VWDE: variants seen among roughly 807,000 people sequenced by gnomAD.
The protein encoded by VWDE is von Willebrand factor D and EGF domain-containing protein.
VWDE carries 207 observed loss-of-function variants against 178.4 expected under a neutral mutation model. The observed-to-expected ratio is 1.16, with a 90% CI of 1.04 to 1.30. The LOEUF (loss-of-function observed/expected upper bound fraction) is 1.30, where lower values mean the gene tolerates loss of function less well. Ranked by LOEUF, VWDE falls within the 50% of genes most tolerant of loss-of-function variation. VWDE has a pLI of 0.00. For synonymous variants in VWDE, 738 were observed against 651.4 expected, an observed-to-expected ratio of 1.13 and a Z score of -2.02; for missense variants, 2,287 against 1,901.3, an observed-to-expected ratio of 1.20 and a Z score of -3.77.
At chr7:12,336,774 T>C (rs111377470) in intron 26 of VWDE, among the ~76,000 whole-genome samples, 2,835 of 152,136 alleles carry the variant, frequency 0.019, 82 homozygotes, top group African/African-American at 0.064. Context: ...AACTGAAAAA[T>C]ACAAGATATC....
rs771908789 is a variant in VWDE at position 12,375,140 on chromosome 7, C to G, written c.1112G>C (p.Ser371Thr). The G allele has an allele frequency of 2.6e-6, 4 of 1,551,218 alleles. No individual in the cohort carries two copies. Among genetic ancestry groups the G allele is most frequent in the Non-Finnish European group, 3.5e-6 (4 of 1,146,672 alleles). ...QTSSCANGTCSHTFVYYTAVT... is the reference protein window; with the variant it reads ...QTSSCANGTCTHTFVYYTAVT... ...AGCAGTGTAGTACACAAAAGTGTGG[C>G]TACAGGTTCCATTAGCACAGGAAGA... The change falls in exon 8 of 29, where the codon AGC becomes ACC. Residue 371 changes from serine to threonine, a missense_variant. Coordinates refer to ENST00000275358, the MANE Select transcript of VWDE (RefSeq NM_001135924.3).
intron 1 of VWDE, among the ~76,000 whole-genome samples, chr7:12,399,470 T>A (rs771783450): frequency 1.3e-5 from 2 of 152,166 alleles, no homozygotes; most frequent in Non-Finnish European, 2.9e-5. Context: ...ATACACATTT[T>A]AACAATAATA....
In VWDE at chr7:12,346,710, G is replaced by T. The variant is rs139525936; in HGVS notation, c.3887-2241C>A. On this transcript the variant is annotated intron_variant, in intron 19 of 28. Transcript: ENST00000275358. ...TTCTTTGGTATGGAAAAATCTAACG[G>T]GTTTTAGAGTATGAACACATTTTAA... Among the ~76,000 whole-genome samples the T allele has an allele frequency of 5.8e-3, 879 of 151,948 alleles. 10 individuals are homozygous for T. Among genetic ancestry groups the T allele is most frequent in the Non-Finnish European group, 8.9e-3 (603 of 67,942 alleles).
chr7:12,359,540 T>G, intron 16 of VWDE, 38 bp downstream of exon 16: 7 of 1,367,168 alleles, frequency 5.1e-6, no homozygotes, highest in Non-Finnish European at 6.1e-6. Flanking sequence ...TAAAATGTCT[T>G]GTATAGGAAA....
chr7:12,356,463 C>T (rs1370239046), intron 17 of VWDE, 133 bp from the exon 18 acceptor site: 27 of 654,058 alleles, frequency 4.1e-5, no homozygotes, highest in Non-Finnish European at 5.7e-5. Context: ...TATATATACA[C>T]ACACACACAA....
intron 19 of VWDE, among the ~76,000 whole-genome samples, chr7:12,347,743 C>CA (rs954231082): frequency 3.0e-4 from 45 of 151,860 alleles, no homozygotes; most frequent in African/African-American, 1.1e-3. Flanking sequence ...CATATGGAAC[C>CA]AAAAAAGAGC....
chr7:12,373,135 A>G lies in VWDE; in HGVS notation c.1429T>C (p.Cys477Arg), dbSNP rs1410811859. The change falls in exon 10 of 29, where the codon TGT (cysteine) becomes CGT (arginine). Residue 477 changes from cysteine (C) to arginine (R), a missense_variant. Physicochemically the swap from Cys to Arg is radical, Grantham distance 180 (BLOSUM62 -3). Transcript: ENST00000275358. ...TCCTGGGCAACAAACCCACAATTAC[A>G]TGACACTGGATAGTGAAGGCTTCTG... ...DCRSLHYPVS[C>R]NCGFVAQEGG... 2 of 1,551,418 alleles carry G rather than the reference A, an allele frequency of 1.3e-6. No individual in the cohort carries two copies. Among genetic ancestry groups the G allele is most frequent in the Non-Finnish European group, 1.7e-6 (2 of 1,146,810 alleles).
intron 15 of VWDE, among the ~76,000 whole-genome samples, chr7:12,360,767 A>T (rs1175504888): frequency 6.6e-6 from 1 of 152,196 alleles, no homozygotes; most frequent in African/African-American, 2.4e-5. Flanking sequence ...TAAAAATACT[A>T]ACTTTATACA....
At position 12,357,359 on chromosome 7, in the gene VWDE, C is replaced by A. The variant is rs942725867; in HGVS notation, c.3431G>T (p.Gly1144Val). ...GPEGASVSSA[G>V]LFMWKTDLLT... is the part of the protein sequence containing the mutation. ...TAAATCTGTTTTCCACATAAAAAGC[C>A]CTGCAGAGGAAACACTTGCCCCTTC... The change falls in exon 17 of 29, where the codon GGG becomes GTG. Residue 1144 changes from glycine (G) to valine (V), a missense_variant. By Grantham distance (109) the Gly-to-Val change is moderately radical (BLOSUM62 -3). Coordinates refer to ENST00000275358, the MANE Select transcript of VWDE (RefSeq NM_001135924.3). 1.3e-6 allele frequency: 2 copies of A among 1,551,776 alleles called. No individual in the cohort carries two copies. Among genetic ancestry groups the A allele is most frequent in the South Asian group, 1.2e-5 (1 of 84,050 alleles).
chr7:12,378,456 C>A (rs777875391), intron 6 of VWDE, among the ~76,000 whole-genome samples: 3 of 152,228 alleles, frequency 2.0e-5, no homozygotes, highest in Non-Finnish European at 4.4e-5. Flanking sequence ...CAACCCAGGA[C>A]TGGCCCTATC....
At position 12,357,209 on chromosome 7, in the gene VWDE, A is replaced by G. The variant is rs1782295784; in HGVS notation, c.3525+56T>C. The G allele has an allele frequency of 2.0e-6, 3 of 1,521,902 alleles. No individual in the cohort carries two copies. The South Asian group carries it at 3.8e-5, about 19-fold the overall frequency. The allele number at this position is 1,521,902 out of a possible 1,614,324, so 94.3% of individuals were successfully genotyped here. A position where few individuals can be genotyped will look rare whatever the true frequency, so the allele number is the denominator to read the frequency against. ...TATGGCTTGTATTTTAAATTCAAAT[A>G]AAGTTGTTAAAATTGCAAAAGAATC... On this transcript the variant is annotated intron_variant, in intron 17 of 28. Coordinates refer to ENST00000275358, the MANE Select transcript of VWDE (RefSeq NM_001135924.3).
chr7:12,384,058 T>G (rs1357218760), intron 3 of VWDE, among the ~76,000 whole-genome samples: 2 of 152,124 alleles, frequency 1.3e-5, no homozygotes, highest in East Asian at 3.9e-4. Context: ...CACATGGAAG[T>G]TTATAGCAAC....
At chr7:12,393,569 T>C (rs12669558) in intron 2 of VWDE, 25 bp downstream of exon 2, 333,766 of 1,472,524 alleles carry the variant, frequency 0.23, 40,772 homozygotes, top group East Asian at 0.41. Flanking sequence ...GAAAATAACA[T>C]GCAGTACTTA....
rs891052964 is a variant in VWDE, at chr7:12,330,928, G to A, written c.*255C>T. ...TCAGTTTATTAAATATTGTGAATGG[G>A]TGGAATATCAGATACATCATCTCAA... On this transcript the variant is annotated 3_prime_UTR_variant, in exon 29 of 29. Coordinates refer to ENST00000275358, the MANE Select transcript of VWDE (RefSeq NM_001135924.3). 11 of 396,032 alleles carry A rather than the reference G, an allele frequency of 2.8e-5. No individual in the cohort carries two copies. The highest frequency in any genetic ancestry group is 2.1e-4 in the African/African-American group (10 of 47,484). 24.5% of individuals were successfully genotyped at this position (396,032 alleles called of 1,614,324 possible). A position where few individuals can be genotyped will look rare whatever the true frequency, so the allele number is the denominator to read the frequency against.
intron 2 of VWDE, among the ~76,000 whole-genome samples, chr7:12,391,884 T>G (rs1247258995): frequency 6.6e-6 from 1 of 152,168 alleles, no homozygotes; most frequent in Non-Finnish European, 1.5e-5. Flanking sequence ...CAATGGTAGT[T>G]GCATGACCTC....
intron 15 of VWDE, among the ~76,000 whole-genome samples, chr7:12,360,704 G>A (rs550418273): frequency 6.6e-6 from 1 of 152,194 alleles, no homozygotes; most frequent in African/African-American, 2.4e-5. Flanking sequence ...AATCCATCAA[G>A]TGGCAGGTAT....
At chr7:12,353,239 T>C (rs1017961525) in intron 18 of VWDE, among the ~76,000 whole-genome samples, 3 of 152,204 alleles carry the variant, frequency 2.0e-5, no homozygotes, top group African/African-American at 7.2e-5. Flanking sequence ...GCTCTCTTCC[T>C]GGCTTGAAGA....
At chr7:12,382,908 T>C (rs1783927159) in intron 4 of VWDE, among the ~76,000 whole-genome samples, 1 of 151,378 alleles carries the variant, frequency 6.6e-6, no homozygotes, top group South Asian at 2.1e-4. Context: ...ATTTAAAAAA[T>C]AGAAAATAAA....
At chr7:12,358,387 T>TGG (rs368179346) in intron 16 of VWDE, among the ~76,000 whole-genome samples, 5,364 of 134,924 alleles carry the variant, frequency 0.04, 386 homozygotes, top group African/African-American at 0.14. Flanking sequence ...AAATAAAAGG[T>TGG]GGGGGGGGCT....
Sources: allele counts gnomAD v4.1 joint callset (sites outside exome capture counted in the v4.1 genomes callset), GRCh38; gene constraint gnomAD v4.1.1; transcripts MANE v1.5; gene names NCBI Gene and HGNC (gene_info 2026-07-23, HGNC 2026-07-21).